TRPV2: variants seen among roughly 807,000 people sequenced by gnomAD.
TRPV2 encodes the protein transient receptor potential cation channel subfamily V member 2, also known as OTRPC2.
Under a neutral mutation model 91.0 loss-of-function variants are expected in TRPV2, and 58 were observed. The ratio of observed to expected loss-of-function variants is 0.64; its 90% CI spans 0.52 to 0.79. The LOEUF (loss-of-function observed/expected upper bound fraction) is 0.79. TRPV2 is among the 30% of genes least tolerant of loss of function. The pLI, the probability that TRPV2 is intolerant of heterozygous loss-of-function variation, is 0.00. For synonymous variants in TRPV2, 417 were observed against 414.8 expected (o/e 1.01, Z -0.06); for missense variants, 807 against 969.6 (o/e 0.83, Z 2.23).
intron 7 of TRPV2, among the ~76,000 whole-genome samples, chr17:16,427,090 T>A (rs117999798): frequency 6.6e-6 from 1 of 152,186 alleles, no homozygotes; most frequent in Non-Finnish European, 1.5e-5. Flanking sequence ...GATGGACATG[T>A]GTTGACTAAT....
chr17:16,420,382 G>C, intron 3 of TRPV2, 134 bp downstream of exon 3: 1 of 1,181,990 alleles, frequency 8.5e-7, no homozygotes, highest in Non-Finnish European at 1.2e-6. Flanking sequence ...AGGATGGCTG[G>C]GGGGCCCTGT....
rs148943669 is a variant in TRPV2, at chr17:16,426,895, G to A, written c.1251+18G>A. The A allele has an allele frequency of 6.2e-6, 10 of 1,606,648 alleles. No individual in the cohort carries two copies. In the East Asian group the frequency reaches 6.7e-5, roughly 11 times the overall value. ...TGAAGAAGGCAAGGGCGTGAGGTTTGGGGGGGCACATCTTGGGGGAGGCCT... is the reference window on the plus strand; with the variant it reads ...TGAAGAAGGCAAGGGCGTGAGGTTTAGGGGGGCACATCTTGGGGGAGGCCT... On this transcript the variant is annotated intron_variant, in intron 7 of 14. Transcript: ENST00000338560. This position sits in a 1 kb window ranked among gnomAD's most constrained non-coding sequence, Gnocchi z 6.0.
intron 2 of TRPV2, 147 bp downstream of exon 2, chr17:16,418,015 C>G: frequency 1.3e-6 from 1 of 775,688 alleles, no homozygotes; most frequent in Non-Finnish European, 2.1e-6. Flanking sequence ...GGCTCCTGGG[C>G]CCGACAGGCT....
chr17:16,417,118 C>T (rs919864617), intron 1 of TRPV2, among the ~76,000 whole-genome samples: 1 of 152,186 alleles, frequency 6.6e-6, no homozygotes, highest in Non-Finnish European at 1.5e-5. Context: ...GCCTCCCTCC[C>T]TCTCCTCACC....
At chr17:16,428,245 C>T (rs920990102) in intron 8 of TRPV2, 72 bp from the exon 9 acceptor site, 1 of 1,468,064 alleles carries the variant, frequency 6.8e-7, no homozygotes, top group African/African-American at 1.4e-5. Context: ...GGCAGGCTCC[C>T]ACTCAGCCAG....
intron 13 of TRPV2, among the ~76,000 whole-genome samples, chr17:16,434,538 G>C (rs945018231): frequency 7.9e-5 from 12 of 151,982 alleles, no homozygotes; most frequent in Non-Finnish European, 1.5e-4. Context: ...CAGATGAGCA[G>C]AGAGACGGAG....
At chr17:16,423,110 G>A (rs145952734) in intron 4 of TRPV2, among the ~76,000 whole-genome samples, 289 of 152,340 alleles carry the variant, frequency 1.9e-3, no homozygotes, top group African/African-American at 6.7e-3. Flanking sequence ...AGCTTCTCGA[G>A]CTGGGGCTAC....
chr17:16,423,311 C>A (rs897985495), intron 4 of TRPV2, among the ~76,000 whole-genome samples, 158 bp from the exon 5 acceptor site: 3 of 152,272 alleles, frequency 2.0e-5, no homozygotes, highest in Non-Finnish European at 4.4e-5. Context: ...AAGAAGACAG[C>A]AAAAGGCAGC....
intron 2 of TRPV2, among the ~76,000 whole-genome samples, chr17:16,419,714 G>A (rs1024593842): frequency 4.6e-5 from 7 of 152,310 alleles, no homozygotes; most frequent in South Asian, 2.1e-4. Flanking sequence ...GTGAGTCTGC[G>A]GGGACCTCCC....
chr17:16,436,618 G>A (rs1290751574), intron 14 of TRPV2, among the ~76,000 whole-genome samples, 171 bp from the exon 15 acceptor site: 1 of 152,218 alleles, frequency 6.6e-6, no homozygotes, highest in Non-Finnish European at 1.5e-5. Flanking sequence ...AGGGGATTGG[G>A]AAATGCTTGT....
Position 16,432,267 on chromosome 17 carries a change from C to A in TRPV2, c.1956C>A (p.Val652=), listed in dbSNP as rs1462165171. Residue 652 remains valine, a synonymous_variant, in exon 12 of 15, where the codon GTC becomes GTA. Transcript: ENST00000338560. ...TCATGAGCGAGACCGTCAACAGTGT[C>A]GCCACTGACAGCTGGAGCATCTGGA... ...IALMSETVNS[V]ATDSWSIWKL... 6.2e-7 allele frequency: 1 copy of A among 1,610,896 alleles called. No homozygotes were observed. Among genetic ancestry groups the A allele is most frequent in the African/African-American group, 1.3e-5 (1 of 74,878 alleles).
At chr17:16,436,606 G>T (rs929828369) in intron 14 of TRPV2, among the ~76,000 whole-genome samples, 183 bp from the exon 15 acceptor site, 2 of 152,170 alleles carry the variant, frequency 1.3e-5, no homozygotes, top group Non-Finnish European at 2.9e-5. Context: ...CCCTGATATG[G>T]CAGGGGATTG....
intron 9 of TRPV2, 41 bp downstream of exon 9, chr17:16,428,428 A>T (rs9896409): frequency 3.1e-6 from 5 of 1,599,946 alleles, no homozygotes; most frequent in Non-Finnish European, 8.6e-7. Context: ...ACTGTCTCTG[A>T]GGTCTGGAAG....
At chr17:16,423,416 A>T in intron 4 of TRPV2, 53 bp from the exon 5 acceptor site, 1 of 1,545,702 alleles carries the variant, frequency 6.5e-7, no homozygotes, top group East Asian at 2.3e-5. Context: ...CATGAGGAGT[A>T]GGCAGATGGA....
chr17:16,426,684 T>C lies in TRPV2; in HGVS notation c.1096-38T>C. On this transcript the variant is annotated intron_variant, in intron 6 of 14. Transcript: ENST00000338560. The surrounding 1 kb of genome is among the most constrained non-coding windows in gnomAD (Gnocchi z 6.0). ...ATGGAGTGGGCAGCCTATTTGCACT[T>C]GTTGAGTGTACCCATGGCTCTCCCC... 1.3e-6 allele frequency: 2 copies of C among 1,596,334 alleles called. No homozygotes were observed. Among genetic ancestry groups the C allele is most frequent in the Non-Finnish European group, 1.7e-6 (2 of 1,171,874 alleles).
chr17:16,428,900 C>T lies in TRPV2; in HGVS notation c.1505C>T (p.Ala502Val), dbSNP rs756373391. 73 of 1,614,012 alleles carry T rather than the reference C, an allele frequency of 4.5e-5. No homozygotes were observed. The highest frequency in any genetic ancestry group is 2.2e-5 in the East Asian group (1 of 44,898). The stretch of plus-strand genomic sequence containing the variant: ...TGGTACCTGCCCCTGCTTGTGTCTG[C>T]GCTGGTGCTGGGCTGGCTGAACCTG... ...IEWYLPLLVS[A>V]LVLGWLNLLY... Residue 502 changes from alanine (A) to valine (V), a missense_variant, in exon 10 of 15, where the codon GCG becomes GTG. Ala to Val is a moderately conservative substitution (Grantham distance 64). Transcript: ENST00000338560.
At chr17:16,432,944 T>G (rs536290086) in intron 12 of TRPV2, among the ~76,000 whole-genome samples, 4 of 152,158 alleles carry the variant, frequency 2.6e-5, no homozygotes, top group African/African-American at 7.2e-5. Context: ...TACCTAGGAT[T>G]ACAGGCATGT....
chr17:16,423,782 C>G lies in TRPV2; in HGVS notation c.924+15C>G, dbSNP rs1013990094. 1.3e-6 allele frequency: 2 copies of G among 1,541,742 alleles called. No homozygotes were observed. The highest frequency in any genetic ancestry group is 1.8e-6 in the Non-Finnish European group (2 of 1,141,724). On this transcript the variant is annotated intron_variant, in intron 5 of 14. Coordinates refer to ENST00000338560, the MANE Select transcript of TRPV2 (RefSeq NM_016113.5). ...GCAAGATCGAGGTGAGCGGCTGTCCCCTTCCCACTTCCCCTCTCCAGGAAG... is the reference window on the plus strand; with the variant it reads ...GCAAGATCGAGGTGAGCGGCTGTCCGCTTCCCACTTCCCCTCTCCAGGAAG...
chr17:16,417,031 C>G (rs979980790), intron 1 of TRPV2, among the ~76,000 whole-genome samples: 1 of 152,040 alleles, frequency 6.6e-6, no homozygotes, highest in Non-Finnish European at 1.5e-5. Context: ...GAGGAAAAGT[C>G]GGGGACAGTC....
Sources: allele counts gnomAD v4.1 joint callset (sites outside exome capture counted in the v4.1 genomes callset), GRCh38; gene constraint gnomAD v4.1.1; non-coding constraint Gnocchi (gnomAD v3.1); transcripts MANE v1.5; gene names NCBI Gene and HGNC (gene_info 2026-07-23, HGNC 2026-07-21).